Variants in OR52N4 observed in about 807,000 individuals in gnomAD.
OR52N4 encodes olfactory receptor family 52 subfamily N member 4.
In OR52N4, 15 loss-of-function variants were observed where a neutral mutation model predicts 15.0. That is an observed-to-expected ratio of 1.00 (90% CI 0.67 to 1.54). The LOEUF (loss-of-function observed/expected upper bound fraction) is 1.54, where lower values mean the gene tolerates loss of function less well. Ranked by LOEUF, OR52N4 falls within the 40% of genes most tolerant of loss-of-function variation. OR52N4 has a pLI of 0.00. For synonymous variants in OR52N4, 143 were observed against 143.7 expected (o/e 1.00, Z 0.03); for missense variants, 421 against 394.0 (o/e 1.07, Z -0.58).
chr11:5,755,046 G>C lies in OR52N4; in HGVS notation c.306G>C (p.Gln102His). ...TTGGATTTGATGAATGCCTTGTCCA[G>C]ATGTTCTTCACCCACACCTTCACAG... ...KDIGFDECLV[Q>H]MFFTHTFTGM... The change falls in exon 2 of 2, where the codon CAG becomes CAC. Residue 102 changes from glutamine to histidine, a missense_variant. Gln to His is a conservative substitution (Grantham distance 24). Coordinates refer to ENST00000641350, the MANE Select transcript of OR52N4 (RefSeq NM_001005175.5). The C allele has an allele frequency of 6.2e-7, 1 of 1,614,008 alleles. No homozygotes were observed. The highest frequency in any genetic ancestry group is 8.5e-7 in the Non-Finnish European group (1 of 1,179,968).
At chr11:5,730,223 A>G in the OR52N4 span, among the ~76,000 whole-genome samples, 2 of 124,896 alleles carry the variant, frequency 1.6e-5, no homozygotes, top group East Asian at 4.5e-4. Flanking sequence ...ATGGAGTCTC[A>G]CTCTGGTGCC....
At position 5,754,673 on chromosome 11, in the gene OR52N4, G is replaced by GTTTTTTTT. The variant is rs34221828; in HGVS notation, c.-48-16_-48-9dup. 4.3e-5 allele frequency: 52 copies of GTTTTTTTT among 1,205,294 alleles called. No homozygotes were observed. In the African/African-American group the frequency reaches 8.1e-4, roughly 19 times the overall value. 74.7% of individuals were successfully genotyped at this position (1,205,294 alleles called of 1,614,324 possible). A position where few individuals can be genotyped will look rare whatever the true frequency, so the allele number is the denominator to read the frequency against. ...GTAAAAATAACCTATATTTTCTCTT[G>GTTTTTTTT]TTTTTTTTTTTAACTCTAGGAAAGC... On this transcript the variant is annotated intron_variant, in intron 1 of 1. Transcript: ENST00000641350.
chr11:5,747,187 A>T, the OR52N4 span, among the ~76,000 whole-genome samples: 1 of 151,584 alleles, frequency 6.6e-6, no homozygotes. Flanking sequence ...TTTGAAATAC[A>T]TTGGTCAAAG....
the OR52N4 span, chr11:5,737,573 A>C: frequency 1.5e-6 from 2 of 1,297,972 alleles, no homozygotes; most frequent in Non-Finnish European, 2.1e-6. Context: ...TGAGTAAGTG[A>C]ATACCTTTGG....
upstream of OR52N4, among the ~76,000 whole-genome samples, chr11:5,752,844 A>C (rs1854218359): frequency 1.3e-5 from 2 of 152,114 alleles, no homozygotes; most frequent in Non-Finnish European, 2.9e-5. Flanking sequence ...TTCTATTTCT[A>C]ATAGCACAGA....
the OR52N4 span, among the ~76,000 whole-genome samples, chr11:5,745,341 C>T: frequency 2.0e-5 from 3 of 152,224 alleles, no homozygotes; most frequent in South Asian, 2.1e-4. Flanking sequence ...AAAGTGACAT[C>T]GGTAGCATTT....
the OR52N4 span, among the ~76,000 whole-genome samples, chr11:5,740,017 T>C: frequency 7.8e-6 from 1 of 128,552 alleles, no homozygotes; most frequent in Non-Finnish European, 1.7e-5. Context: ...AGCTGCATCA[T>C]GGTTTAAAGA....
At chr11:5,744,718 G>C in the OR52N4 span, among the ~76,000 whole-genome samples, 1 of 151,922 alleles carries the variant, frequency 6.6e-6, no homozygotes, top group African/African-American at 2.4e-5. Context: ...TTCGAGACCA[G>C]CCTGGCCACC....
chr11:5,744,299 T>C, the OR52N4 span, among the ~76,000 whole-genome samples: 1 of 152,172 alleles, frequency 6.6e-6, no homozygotes, highest in African/African-American at 2.4e-5. Flanking sequence ...TTAGTCATAA[T>C]CATACTGACA....
the OR52N4 span, among the ~76,000 whole-genome samples, chr11:5,744,387 G>A: frequency 1.3e-5 from 2 of 152,148 alleles, no homozygotes; most frequent in Admixed American, 6.5e-5. Context: ...TTCCAAAGCC[G>A]GGTAAGGACG....
chr11:5,727,664 T>C, the OR52N4 span, among the ~76,000 whole-genome samples: 3 of 152,186 alleles, frequency 2.0e-5, no homozygotes, highest in Non-Finnish European at 2.9e-5. Context: ...GGGAAGATTC[T>C]TGCAACCTGG....
At chr11:5,740,760 T>C in the OR52N4 span, among the ~76,000 whole-genome samples, 12 of 126,412 alleles carry the variant, frequency 9.5e-5, 3 homozygotes, top group Non-Finnish European at 1.7e-4. Flanking sequence ...TGAGCCAAGA[T>C]AGTGCCACTG....
At chr11:5,737,374 G>A in the OR52N4 span, 23 of 1,613,930 alleles carry the variant, frequency 1.4e-5, no homozygotes, top group African/African-American at 2.4e-4. Flanking sequence ...TACTTAATGT[G>A]TTGCACAACA....
At chr11:5,730,166 T>G in the OR52N4 span, among the ~76,000 whole-genome samples, 1 of 151,784 alleles carries the variant, frequency 6.6e-6, no homozygotes. Context: ...GAGAAATACC[T>G]GTCATCAAAG....
chr11:5,744,917 T>A, the OR52N4 span, among the ~76,000 whole-genome samples: 1 of 152,064 alleles, frequency 6.6e-6, no homozygotes. Flanking sequence ...TGAGACTCCA[T>A]CTCAAAAACA....
chr11:5,732,561 T>C, the OR52N4 span, among the ~76,000 whole-genome samples: 8 of 152,266 alleles, frequency 5.3e-5, no homozygotes, highest in African/African-American at 1.9e-4. Flanking sequence ...AATCAATCTG[T>C]CTTTTCCTAT....
At chr11:5,735,002 T>A in the OR52N4 span, among the ~76,000 whole-genome samples, 4 of 152,082 alleles carry the variant, frequency 2.6e-5, no homozygotes, top group African/African-American at 9.7e-5. Context: ...TGAAAGGAAA[T>A]ACATTTAGTT....
At chr11:5,743,162 T>TAAAGA in the OR52N4 span, among the ~76,000 whole-genome samples, 146,444 of 152,048 alleles carry the variant, frequency 0.96, 70,670 homozygotes, top group Non-Finnish European at 0.99. Context: ...TGTGCAATGT[T>TAAAGA]AATCAATTCA....
the OR52N4 span, among the ~76,000 whole-genome samples, chr11:5,733,164 C>G: frequency 6.6e-6 from 1 of 152,110 alleles, no homozygotes; most frequent in Non-Finnish European, 1.5e-5. Flanking sequence ...CTAAATTATC[C>G]TAAACCTTTT....
Sources: allele counts gnomAD v4.1 joint callset (sites outside exome capture counted in the v4.1 genomes callset), GRCh38; gene constraint gnomAD v4.1.1; transcripts MANE v1.5; gene names NCBI Gene and HGNC (gene_info 2026-07-23, HGNC 2026-07-21).